ZNF449: variants seen among roughly 807,000 people sequenced by gnomAD.
The protein encoded by ZNF449 is zinc finger protein 449, also known as zinc finger and SCAN domain-containing protein 19.
Under a neutral mutation model 32.6 loss-of-function variants are expected in ZNF449, and 4 were observed. That is an observed-to-expected ratio of 0.12 (90% CI 0.06 to 0.28). The LOEUF (loss-of-function observed/expected upper bound fraction) is 0.28, where lower values mean the gene tolerates loss of function less well. Among genes scored for constraint, ZNF449 ranks in the 10% least tolerant of loss-of-function variants. The probability of loss-of-function intolerance (pLI) is 1.00; values close to 1 mark genes in which losing one functional copy is unlikely to be tolerated. For synonymous variants in ZNF449, 123 were observed against 132.2 expected, an observed-to-expected ratio of 0.93 and a Z score of 0.48; for missense variants, 275 against 383.2, an observed-to-expected ratio of 0.72 and a Z score of 2.36.
intron 1 of ZNF449, among the ~76,000 whole-genome samples, chrX:135,345,361 G>T (rs782786966): frequency 8.9e-6 from 1 of 111,733 alleles, no homozygotes; most frequent in South Asian, 3.8e-4. Context: ...GAAGGTTTTG[G>T]GTCAGTCAGG....
chrX:135,359,252 C>T (rs976021001), intron 3 of ZNF449, among the ~76,000 whole-genome samples: 1 of 111,234 alleles, frequency 9.0e-6, no homozygotes, highest in Admixed American at 9.6e-5. Context: ...TCAGACAAGG[C>T]GAGAGTGAGT....
At position 135,348,761 on chromosome X, in the gene ZNF449, C is replaced by G. The variant is rs2084865923; in HGVS notation, c.355-349C>G. ...TATCTTCATGTGGTCTAGACATTTG[C>G]TGCTGAATACAGTCACTACTAGTCA... On this transcript the variant is annotated intron_variant, in intron 2 of 4. Coordinates refer to ENST00000339249, the MANE Select transcript of ZNF449 (RefSeq NM_152695.6). The G allele has an allele frequency of 5.0e-6, 5 of 999,441 alleles. No individual in the cohort carries two copies. The South Asian group carries it at 1.0e-4, about 20-fold the overall frequency. The allele number at this position is 999,441 out of a possible 1,213,427, so 82.4% of individuals were successfully genotyped here.
At position 135,361,990 on chromosome X, in the gene ZNF449, A is replaced by G. The variant is rs1395859553; in HGVS notation, c.*914A>G. On this transcript the variant is annotated 3_prime_UTR_variant, in exon 5 of 5. Coordinates refer to ENST00000339249, the MANE Select transcript of ZNF449 (RefSeq NM_152695.6). ...CCTCTTTTGGCTCAATGTTTTCCAA[A>G]CTTATTTGACCCCAAAACCTTTTTC... The G allele has an allele frequency of 9.0e-6, 1 of 111,365 alleles. No homozygotes were observed. The highest frequency in any genetic ancestry group is 1.9e-5 in the Non-Finnish European group (1 of 52,934). 9.2% of individuals were successfully genotyped at this position (111,365 alleles called of 1,213,427 possible).
intron 2 of ZNF449, chrX:135,348,655 T>G: frequency 1.2e-6 from 1 of 844,895 alleles, no homozygotes; most frequent in Non-Finnish European, 1.5e-6. Flanking sequence ...CTTCTGAAGT[T>G]TTCTGTCTCC....
Position 135,360,023 on chromosome X carries a change from G to C in ZNF449, c.673+18G>C, listed in dbSNP as rs781950225. 1.7e-5 allele frequency: 19 copies of C among 1,112,402 alleles called. No individual in the cohort carries two copies. The highest frequency in any genetic ancestry group is 2.7e-5 in the Admixed American group (1 of 36,890). 91.7% of individuals were successfully genotyped at this position (1,112,402 alleles called of 1,213,427 possible). ...CAAGATAGGTAAGTAATTGTTCTTT[G>C]ATATACTAGTGGGAAAAAAAAAGAA... On this transcript the variant is annotated intron_variant, in intron 4 of 4. Coordinates refer to ENST00000339249, the MANE Select transcript of ZNF449 (RefSeq NM_152695.6).
In ZNF449 at chrX:135,362,088, T is replaced by C. The variant is rs2084950070; in HGVS notation, c.*1012T>C. 1 of 111,965 alleles carries C rather than the reference T, an allele frequency of 8.9e-6. No homozygotes were observed. The highest frequency in any genetic ancestry group is 1.9e-5 in the Non-Finnish European group (1 of 53,106). 9.2% of individuals were successfully genotyped at this position (111,965 alleles called of 1,213,427 possible). On this transcript the variant is annotated 3_prime_UTR_variant, in exon 5 of 5. Transcript: ENST00000339249. ...TGGAACACACTGCCTTAAACAGATA[T>C]TTCTATAGCTGTCAGTATAGTTATG... is the stretch of plus-strand genomic sequence containing the variant.
At chrX:135,357,475 A>G (rs1480391463) in intron 3 of ZNF449, among the ~76,000 whole-genome samples, 1 of 111,042 alleles carries the variant, frequency 9.0e-6, no homozygotes, top group Non-Finnish European at 1.9e-5. Context: ...TTATTGCTAG[A>G]TTCTCATTTC....
At chrX:135,352,386 G>A (rs1372327672) in intron 3 of ZNF449, among the ~76,000 whole-genome samples, 2 of 112,039 alleles carry the variant, frequency 1.8e-5, no homozygotes, top group African/African-American at 6.5e-5. Context: ...ATTCATGCTG[G>A]ACACTTTGAT....
chrX:135,353,766 C>T (rs1367611605), intron 3 of ZNF449, among the ~76,000 whole-genome samples: 1 of 111,925 alleles, frequency 8.9e-6, no homozygotes, highest in Non-Finnish European at 1.9e-5. Context: ...GGGTAATTAG[C>T]ATATCTGTCA....
intron 3 of ZNF449, among the ~76,000 whole-genome samples, chrX:135,351,587 G>A (rs782722565): frequency 1.1e-5 from 1 of 95,069 alleles, no homozygotes; most frequent in African/African-American, 4.0e-5. Context: ...TGTGGTCAAA[G>A]CAGAACTATA....
intron 3 of ZNF449, among the ~76,000 whole-genome samples, chrX:135,354,724 GTAA>G (rs1364941909): frequency 9.0e-6 from 1 of 111,296 alleles, no homozygotes; most frequent in Non-Finnish European, 1.9e-5. Context: ...TCAAACCTCT[GTAA>G]TTTGGTGCTG....
In ZNF449 at chrX:135,362,737, A is replaced by G. The variant is rs1298651145; in HGVS notation, c.*1661A>G. The G allele has an allele frequency of 1.8e-5, 2 of 112,081 alleles. No individual in the cohort carries two copies. The highest frequency in any genetic ancestry group is 3.8e-5 in the Non-Finnish European group (2 of 53,173). 9.2% of individuals were successfully genotyped at this position (112,081 alleles called of 1,213,427 possible). On this transcript the variant is annotated 3_prime_UTR_variant, in exon 5 of 5. Transcript: ENST00000339249. Reference sequence around the variant, plus strand: ...CTATGTGCCTAACTAGTCCTGTTCTAGGCTTAGTGGAAGCTAGTAAAGAAA... The same window carrying G: ...CTATGTGCCTAACTAGTCCTGTTCTGGGCTTAGTGGAAGCTAGTAAAGAAA...
intron 2 of ZNF449, 34 bp downstream of exon 2, chrX:135,347,506 C>A (rs782687328): frequency 8.3e-7 from 1 of 1,207,630 alleles, no homozygotes; most frequent in South Asian, 1.8e-5. Context: ...TGTGATTGGT[C>A]CAAAGGAAGT....
At chrX:135,351,526 A>G (rs1052077174) in intron 3 of ZNF449, among the ~76,000 whole-genome samples, 3 of 110,205 alleles carry the variant, frequency 2.7e-5, no homozygotes. Context: ...GGTCTCCAGC[A>G]TATTTTTAAA....
At chrX:135,351,188 G>A (rs2084884495) in intron 3 of ZNF449, among the ~76,000 whole-genome samples, 1 of 111,989 alleles carries the variant, frequency 8.9e-6, no homozygotes, top group African/African-American at 3.2e-5. Flanking sequence ...AGTAGGAATG[G>A]ATACATACTA....
rs1235291015 is a variant in ZNF449, at chrX:135,362,699, TG to T, written c.*1629del. 1 of 111,977 alleles carries T rather than the reference TG, an allele frequency of 8.9e-6. No individual in the cohort carries two copies. Among genetic ancestry groups the T allele is most frequent in the African/African-American group, 3.2e-5 (1 of 30,861 alleles). The allele number at this position is 111,977 out of a possible 1,213,427, so 9.2% of individuals were successfully genotyped here. ...GTTCTCGAGAGTGATATAAATACTTTGGGGGGTATCTACTATGTGCCTAACT... is the reference window on the plus strand; with the variant it reads ...GTTCTCGAGAGTGATATAAATACTTTGGGGGTATCTACTATGTGCCTAACT... On this transcript the variant is annotated 3_prime_UTR_variant, in exon 5 of 5. Transcript: ENST00000339249.
intron 3 of ZNF449, among the ~76,000 whole-genome samples, 168 bp from the exon 4 acceptor site, chrX:135,359,724 T>G (rs1185419240): frequency 3.6e-5 from 4 of 112,057 alleles, no homozygotes; most frequent in African/African-American, 1.3e-4. Flanking sequence ...CATTTTCATT[T>G]TGCTCTTATC....
At chrX:135,354,386 T>TA (rs1402959423) in intron 3 of ZNF449, among the ~76,000 whole-genome samples, 1 of 112,430 alleles carries the variant, frequency 8.9e-6, no homozygotes, top group Non-Finnish European at 1.9e-5. Context: ...TGGGAACTGA[T>TA]ACCTAAAGGT....
intron 3 of ZNF449, among the ~76,000 whole-genome samples, chrX:135,352,168 A>G (rs2084891346): frequency 8.9e-6 from 1 of 112,370 alleles, no homozygotes; most frequent in Non-Finnish European, 1.9e-5. Context: ...GGAAGAAGTC[A>G]ATTGATTTTA....
Sources: gnomAD v4.1 joint callset for allele counts (sites outside exome capture counted in the v4.1 genomes callset) on GRCh38, gnomAD v4.1.1 for gene constraint, MANE v1.5 for transcripts, NCBI Gene and HGNC (gene_info 2026-07-23, HGNC 2026-07-21) for gene names.